HIPK2: variants seen among roughly 807,000 people sequenced by gnomAD.
HIPK2 encodes homeodomain-interacting protein kinase 2.
HIPK2 carries 27 observed loss-of-function variants against 113.7 expected under a neutral mutation model. That is an observed-to-expected ratio of 0.24 (90% CI 0.17 to 0.33). HIPK2 has a LOEUF of 0.33. Ranked by LOEUF, HIPK2 falls within the 10% of genes least tolerant of loss-of-function variation. HIPK2 has a pLI of 1.00. For missense variants in HIPK2, 1,257 were observed against 1,588.0 expected, an observed-to-expected ratio of 0.79 and a Z score of 3.54; for synonymous variants, 631 against 642.2, an observed-to-expected ratio of 0.98 and a Z score of 0.26.
chr7:139,777,899 AGGCCGAGGCGCCGAGCGGCCGC>A lies in HIPK2; in HGVS notation c.-298_-277del, dbSNP rs1338801615. Reference sequence around the variant, plus strand: ...GGCGGCCGGGCGGGCGGAGCGGCCGAGGCCGAGGCGCCGAGCGGCCGCGGCCCCCGAGCGGATCCGCGGAGGG... The same window carrying A: ...GGCGGCCGGGCGGGCGGAGCGGCCGAGGCCCCCGAGCGGATCCGCGGAGGG... On this transcript the variant is annotated 5_prime_UTR_variant, in exon 1 of 15. Transcript: ENST00000406875. 2.9e-5 allele frequency: 4 copies of A among 136,000 alleles called. No individual in the cohort carries two copies. The highest frequency in any genetic ancestry group is 5.0e-4 in the South Asian group (2 of 4,028). 8.4% of individuals were successfully genotyped at this position (136,000 alleles called of 1,614,324 possible). A position where few individuals can be genotyped will look rare whatever the true frequency, so the allele number is the denominator to read the frequency against.
chr7:139,670,957 T>C (rs886331555), intron 2 of HIPK2, among the ~76,000 whole-genome samples: 1 of 151,932 alleles, frequency 6.6e-6, no homozygotes, highest in African/African-American at 2.4e-5. Flanking sequence ...GACAGGGTTT[T>C]GCCACGTTGT....
At chr7:139,672,450 CA>C (rs981246216) in intron 2 of HIPK2, among the ~76,000 whole-genome samples, 1 of 151,298 alleles carries the variant, frequency 6.6e-6, no homozygotes, top group African/African-American at 2.4e-5. Context: ...ATGAAGACTT[CA>C]AAAAAAATAA....
At chr7:139,607,119 A>C (rs1436922719) in intron 9 of HIPK2, among the ~76,000 whole-genome samples, 1 of 152,210 alleles carries the variant, frequency 6.6e-6, no homozygotes, top group Non-Finnish European at 1.5e-5. Context: ...GAACTACAAC[A>C]ACAGAAATTA....
At chr7:139,709,377 A>G (rs567278212) in intron 2 of HIPK2, among the ~76,000 whole-genome samples, 3 of 152,356 alleles carry the variant, frequency 2.0e-5, no homozygotes, top group Admixed American at 6.5e-5. Context: ...CACTTTCTAT[A>G]TGCTGTAATC....
chr7:139,711,013 T>TA (rs71170910), intron 2 of HIPK2, among the ~76,000 whole-genome samples: 8 of 151,718 alleles, frequency 5.3e-5, no homozygotes, highest in African/African-American at 1.9e-4. Context: ...TTTTTTTTTT[T>TA]AATAAATTAC....
chr7:139,639,383 C>T (rs1305772393), intron 2 of HIPK2, among the ~76,000 whole-genome samples: 1 of 152,226 alleles, frequency 6.6e-6, no homozygotes, highest in East Asian at 1.9e-4. Context: ...GCTGTCCTCA[C>T]TCACTTATTA....
rs540976236 is a variant in HIPK2 at position 139,746,156 on chromosome 7, C to T, written c.20-29141G>A. Reference sequence around the variant, plus strand: ...ACTCTCCATCTGCTGATGGCTACTACAGTCAAATAATTACATTCAAATAAA... The same window carrying T: ...ACTCTCCATCTGCTGATGGCTACTATAGTCAAATAATTACATTCAAATAAA... On this transcript the variant is annotated intron_variant, in intron 1 of 14. Coordinates refer to ENST00000406875, the MANE Select transcript of HIPK2 (RefSeq NM_022740.5). Among the ~76,000 whole-genome samples the T allele has an allele frequency of 1.3e-3, 200 of 152,270 alleles. No homozygotes were observed. In the Middle Eastern group the frequency reaches 0.027, roughly 21 times the overall value.
In HIPK2 at chr7:139,613,256, G is replaced by T; in HGVS notation, c.2058C>A (p.Val686=). 6.2e-7 allele frequency: 1 copy of T among 1,613,852 alleles called. No homozygotes were observed. Among genetic ancestry groups the T allele is most frequent in the South Asian group, 1.1e-5 (1 of 91,014 alleles). ...GAGGCTGAGCTCCTGGGGCTTGAGT[G>T]ACGATGGGAACTGCATTTTCCATTC... The part of the protein sequence containing the change: ...SVRMENAVPI[V]TQAPGAQPLQ... Residue 686 remains valine (V), a synonymous_variant, in exon 9 of 15, where the codon GTC becomes GTA. Transcript: ENST00000406875. The surrounding 1 kb of genome is among the most constrained non-coding windows in gnomAD (Gnocchi z 4.2).
chr7:139,721,656 T>A (rs1000696397), intron 1 of HIPK2, among the ~76,000 whole-genome samples: 1 of 152,222 alleles, frequency 6.6e-6, no homozygotes, highest in Non-Finnish European at 1.5e-5. Flanking sequence ...GTCAGTTTGA[T>A]CCAATGGCAA....
intron 2 of HIPK2, among the ~76,000 whole-genome samples, chr7:139,701,098 G>A (rs1004116001): frequency 7.9e-5 from 12 of 152,212 alleles, no homozygotes; most frequent in African/African-American, 2.4e-4. Context: ...GGGGAGCCAC[G>A]TGAATGCGTT....
At chr7:139,608,099 C>T (rs936404879) in intron 9 of HIPK2, among the ~76,000 whole-genome samples, 40 of 151,680 alleles carry the variant, frequency 2.6e-4, no homozygotes, top group African/African-American at 9.4e-4. Flanking sequence ...AAAAATTAGC[C>T]GGGGCGTGGT....
intron 1 of HIPK2, among the ~76,000 whole-genome samples, chr7:139,730,113 A>G (rs1160963444): frequency 6.6e-6 from 1 of 152,228 alleles, no homozygotes; most frequent in Non-Finnish European, 1.5e-5. Flanking sequence ...AAAATCTGGT[A>G]GGCTTTTTCT....
intron 6 of HIPK2, 145 bp downstream of exon 6, chr7:139,626,456 G>A (rs1366341246): frequency 5.2e-6 from 4 of 768,956 alleles, no homozygotes; most frequent in Admixed American, 2.6e-5. Context: ...ATCTGTTTAT[G>A]TATTGCATCT....
intron 12 of HIPK2, among the ~76,000 whole-genome samples, chr7:139,594,771 A>G (rs1799140102): frequency 6.6e-6 from 1 of 152,088 alleles, no homozygotes; most frequent in Non-Finnish European, 1.5e-5. Context: ...GCAGGCTGGC[A>G]GTCCCCGCCA....
In HIPK2 at chr7:139,583,979, G is replaced by A; in HGVS notation, c.2803C>T (p.Pro935Ser). 1 of 1,614,010 alleles carries A rather than the reference G, an allele frequency of 6.2e-7. No homozygotes were observed. Among genetic ancestry groups the A allele is most frequent in the Non-Finnish European group, 8.5e-7 (1 of 1,179,866 alleles). Reference sequence around the variant, plus strand: ...CCAGCACGCTGCTGCACGGAGTAGGGGCTGGTGTTGCTGGAGGAGTCGGAG... The same window carrying A: ...CCAGCACGCTGCTGCACGGAGTAGGAGCTGGTGTTGCTGGAGGAGTCGGAG... ...PYSDSSSNTS[P>S]YSVQQRAGHN... The change falls in exon 13 of 15, where the codon CCC becomes TCC. Residue 935 changes from proline to serine, a missense_variant. This residue lies in a region of HIPK2 where 862 missense variants were observed against 1,004.3 expected (regional missense o/e 0.86). Transcript: ENST00000406875.
chr7:139,637,422 G>C (rs1300896838), intron 2 of HIPK2, among the ~76,000 whole-genome samples: 1 of 152,148 alleles, frequency 6.6e-6, no homozygotes, highest in Non-Finnish European at 1.5e-5. Flanking sequence ...CTTTCCATTT[G>C]CAAGAGTACC....
intron 6 of HIPK2, among the ~76,000 whole-genome samples, chr7:139,624,970 T>C (rs1800376141): frequency 6.6e-6 from 1 of 152,192 alleles, no homozygotes; most frequent in Admixed American, 6.5e-5. Flanking sequence ...CTAAACTTTC[T>C]ACCCTTCTTA....
intron 13 of HIPK2, 79 bp from the exon 14 acceptor site, chr7:139,575,367 TG>T: frequency 6.9e-7 from 1 of 1,450,996 alleles, no homozygotes. Context: ...CAGAGAACAG[TG>T]GTCTTCCAGG....
At chr7:139,627,452 C>T (rs1053014288) in intron 5 of HIPK2, among the ~76,000 whole-genome samples, 1 of 152,176 alleles carries the variant, frequency 6.6e-6, no homozygotes, top group African/African-American at 2.4e-5. Context: ...ATTTTAGTCC[C>T]TGTGTTCAAT....
Sources: gnomAD v4.1 joint callset for allele counts (sites outside exome capture counted in the v4.1 genomes callset) on GRCh38, gnomAD v4.1.1 for gene constraint, gnomAD v4.1.1 regional missense constraint, Gnocchi (gnomAD v3.1) non-coding constraint, MANE v1.5 for transcripts, NCBI Gene and HGNC (gene_info 2026-07-23, HGNC 2026-07-21) for gene names.